The following FARP2 variants were observed in gnomAD, a reference collection of about 807,000 sequenced individuals.
The protein encoded by FARP2 is FERM, ARH/RhoGEF and pleckstrin domain protein 2, also known as FERM, ARHGEF and pleckstrin domain-containing protein 2.
Under a neutral mutation model 130.5 loss-of-function variants are expected in FARP2, and 111 were observed. That is an observed-to-expected ratio of 0.85 (90% CI 0.73 to 1.00). The LOEUF is 1.00. Among genes scored for constraint, FARP2 ranks in the 50% least tolerant of loss-of-function variants. FARP2 has a pLI of 0.00. For synonymous variants in FARP2, 504 were observed against 516.9 expected, an observed-to-expected ratio of 0.98 and a Z score of 0.34; for missense variants, 1,385 against 1,346.3, an observed-to-expected ratio of 1.03 and a Z score of -0.45.
intron 2 of FARP2, among the ~76,000 whole-genome samples, chr2:241,390,198 G>GGT (rs2150326487): frequency 6.6e-6 from 1 of 152,330 alleles, no homozygotes; most frequent in South Asian, 2.1e-4. Context: ...TATTGCTAGT[G>GGT]GTGCTTCTCC....
chr2:241,493,586 A>G, intron 26 of FARP2, 142 bp downstream of exon 26: 1 of 705,912 alleles, frequency 1.4e-6, no homozygotes, highest in Non-Finnish European at 2.3e-6. Context: ...TCCAAAAAAC[A>G]GCAATGCTTT....
At chr2:241,487,746 CTTTTTTT>C (rs1167750549) in intron 21 of FARP2, among the ~76,000 whole-genome samples, 3 of 73,232 alleles carry the variant, frequency 4.1e-5, no homozygotes, top group South Asian at 6.0e-4. Context: ...CTAGCCTACT[CTTTTTTT>C]TTTTTTTTTT....
intron 2 of FARP2, among the ~76,000 whole-genome samples, chr2:241,397,717 T>C (rs1339813698): frequency 6.6e-6 from 1 of 152,048 alleles, no homozygotes; most frequent in East Asian, 1.9e-4. Flanking sequence ...TGTAGGTTCT[T>C]GGTGTATCAA....
intron 7 of FARP2, among the ~76,000 whole-genome samples, chr2:241,415,140 G>A (rs1467383035): frequency 6.6e-6 from 1 of 152,204 alleles, no homozygotes; most frequent in African/African-American, 2.4e-5. Context: ...GTGTGTGTAA[G>A]TCGGTGCTTC....
intron 2 of FARP2, among the ~76,000 whole-genome samples, chr2:241,378,246 C>T (rs2061582626): frequency 1.3e-5 from 2 of 151,114 alleles, no homozygotes; most frequent in South Asian, 2.1e-4. Context: ...GGATTACAGG[C>T]GCCCACCACC....
intron 2 of FARP2, among the ~76,000 whole-genome samples, chr2:241,397,996 A>AT (rs538916113): frequency 0.016 from 2,445 of 150,212 alleles, 42 homozygotes; most frequent in African/African-American, 0.043. Flanking sequence ...TGCCCGGCTA[A>AT]TTTTTTTTGC....
rs764302050 is a variant in FARP2 at position 241,478,369 on chromosome 2, G to A, written c.2262+2382G>A. 6.1e-5 allele frequency: 12 copies of A among 196,582 alleles called. 1 individual carries two copies. The highest frequency in any genetic ancestry group is 2.8e-4 in the South Asian group (3 of 10,724). The allele number at this position is 196,582 out of a possible 1,614,324, so 12.2% of individuals were successfully genotyped here. ...GCCTTAGGGCAGGGCTGGCGGGGGCGACCTGTGCTGCTGCAGTGCAAGACT... is the reference window on the plus strand; with the variant it reads ...GCCTTAGGGCAGGGCTGGCGGGGGCAACCTGTGCTGCTGCAGTGCAAGACT... On this transcript the variant is annotated intron_variant, in intron 19 of 26. Coordinates refer to ENST00000264042, the MANE Select transcript of FARP2 (RefSeq NM_014808.4).
chr2:241,474,318 A>C (rs2064396123), intron 18 of FARP2, among the ~76,000 whole-genome samples: 1 of 7,494 alleles, frequency 1.3e-4, no homozygotes, highest in African/African-American at 4.4e-4. Flanking sequence ...ATTCCGTCTC[A>C]AAAAAAAAAA....
chr2:241,422,260 C>CAAAAAA (rs1198628886), intron 8 of FARP2, among the ~76,000 whole-genome samples: 3 of 91,978 alleles, frequency 3.3e-5, no homozygotes, highest in African/African-American at 4.5e-5. Flanking sequence ...ACTAAAAATA[C>CAAAAAA]AAAAAAAAAA....
rs760957400 is a variant in FARP2, at chr2:241,418,025, C to T, written c.687C>T (p.Tyr229=). 5.1e-5 allele frequency: 82 copies of T among 1,613,998 alleles called. No homozygotes were observed. Among genetic ancestry groups the T allele is most frequent in the South Asian group, 1.5e-4 (14 of 91,092 alleles). The change falls in exon 8 of 27, where the codon TAC becomes TAT. Residue 229 remains tyrosine (Y), a synonymous_variant. Coordinates refer to ENST00000264042, the MANE Select transcript of FARP2 (RefSeq NM_014808.4). The part of the protein sequence containing the change: ...VLEIARKLEM[Y]GIRFHMASDR... ...AAATTGCTCGAAAGTTGGAAATGTA[C>T]GGCATCAGATTTCACATGGCTTCTG...
chr2:241,427,397 G>A (rs975835996), intron 8 of FARP2, among the ~76,000 whole-genome samples: 2 of 152,094 alleles, frequency 1.3e-5, no homozygotes, highest in African/African-American at 4.8e-5. Context: ...GGTAGCTCAA[G>A]CCTGTAATCC....
chr2:241,402,245 A>G (rs2062188694), intron 2 of FARP2, among the ~76,000 whole-genome samples: 1 of 152,246 alleles, frequency 6.6e-6, no homozygotes, highest in African/African-American at 2.4e-5. Flanking sequence ...TTATCAGGTC[A>G]TATGAACTTA....
intron 2 of FARP2, among the ~76,000 whole-genome samples, chr2:241,400,266 A>C (rs1275844177): frequency 6.6e-6 from 1 of 152,188 alleles, no homozygotes; most frequent in Non-Finnish European, 1.5e-5. Flanking sequence ...TCTCTGTGCC[A>C]CCTGAAGTGC....
intron 12 of FARP2, among the ~76,000 whole-genome samples, chr2:241,440,403 A>T (rs2063352426): frequency 3.9e-5 from 6 of 151,972 alleles, no homozygotes; most frequent in South Asian, 2.1e-4. Flanking sequence ...TGAGGGGAGG[A>T]TGTGTTAGGG....
intron 7 of FARP2, among the ~76,000 whole-genome samples, chr2:241,414,288 C>T (rs781128349): frequency 1.3e-5 from 2 of 152,144 alleles, no homozygotes; most frequent in African/African-American, 4.8e-5. Context: ...GATTGAAGAA[C>T]GGTATGGGAA....
At position 241,389,229 on chromosome 2, in the gene FARP2, C is replaced by T. The variant is rs115315731; in HGVS notation, c.184-14599C>T. Among the ~76,000 whole-genome samples, 483 of 151,626 alleles carry T rather than the reference C, an allele frequency of 3.2e-3. 2 individuals carry two copies. Among genetic ancestry groups the T allele is most frequent in the African/African-American group, 0.011 (471 of 41,332 alleles). On this transcript the variant is annotated intron_variant, in intron 2 of 26. Coordinates refer to ENST00000264042, the MANE Select transcript of FARP2 (RefSeq NM_014808.4). Reference sequence around the variant, plus strand: ...CCGGGAGGCAGAGGCTGCAGTGAGCCAAGTGTGCCACTGCCCTCCAGCCTG... The same window carrying T: ...CCGGGAGGCAGAGGCTGCAGTGAGCTAAGTGTGCCACTGCCCTCCAGCCTG...
chr2:241,375,200 T>C (rs2061508316), intron 2 of FARP2, among the ~76,000 whole-genome samples: 1 of 151,996 alleles, frequency 6.6e-6, no homozygotes, highest in Non-Finnish European at 1.5e-5. Flanking sequence ...ATCCGCCCGC[T>C]TCGGCCTCCC....
intron 1 of FARP2, among the ~76,000 whole-genome samples, chr2:241,365,073 A>G (rs1351591325): frequency 6.6e-6 from 1 of 152,158 alleles, no homozygotes; most frequent in East Asian, 1.9e-4. Flanking sequence ...ATAAAGTAGG[A>G]GCTTCTCTCT....
Position 241,441,445 on chromosome 2 carries a change from G to T in FARP2, c.1300G>T (p.Val434Phe), listed in dbSNP as rs2063380850. 1 of 1,614,174 alleles carries T rather than the reference G, an allele frequency of 6.2e-7. No individual in the cohort carries two copies. The highest frequency in any genetic ancestry group is 1.3e-5 in the African/African-American group (1 of 75,040). ...CAGCAGCTCCCTCACAGATCCCCAG[G>T]TTTCCTACGTCAAGAGTCCAGCTGC... is the stretch of plus-strand genomic sequence containing the variant. ...DSSSSLTDPQ[V>F]SYVKSPAAER... is the part of the protein sequence containing the mutation. The change falls in exon 13 of 27, where the codon GTT becomes TTT. Residue 434 changes from valine to phenylalanine, a missense_variant. Coordinates refer to ENST00000264042, the MANE Select transcript of FARP2 (RefSeq NM_014808.4).
Sources: allele counts gnomAD v4.1 joint callset (sites outside exome capture counted in the v4.1 genomes callset), GRCh38; gene constraint gnomAD v4.1.1; transcripts MANE v1.5; gene names NCBI Gene and HGNC (gene_info 2026-07-23, HGNC 2026-07-21).